DGKB: variants seen among roughly 807,000 people sequenced by gnomAD.
The protein encoded by DGKB is diacylglycerol kinase beta.
A neutral mutation model predicts 114.3 loss-of-function variants in DGKB; 67 were observed. The ratio of observed to expected loss-of-function variants is 0.59; its 90% confidence interval spans 0.48 to 0.72. The LOEUF is 0.72. Among genes scored for constraint, DGKB ranks in the 30% least tolerant of loss-of-function variants. DGKB has a pLI of 0.00. For missense variants in DGKB, 907 were observed against 975.2 expected (o/e 0.93, Z 0.93); for synonymous variants, 398 against 323.1 (o/e 1.23, Z -2.49).
intron 1 of DGKB, among the ~76,000 whole-genome samples, chr7:14,891,907 C>T (rs1035850396): frequency 4.0e-5 from 6 of 151,270 alleles, no homozygotes; most frequent in African/African-American, 1.5e-4. Context: ...CTTATTATGA[C>T]ACCAGTTTTC....
intron 20 of DGKB, among the ~76,000 whole-genome samples, chr7:14,562,781 G>C (rs1218643699): frequency 6.6e-6 from 1 of 152,176 alleles, no homozygotes; most frequent in East Asian, 1.9e-4. Context: ...ATAGGCAGAA[G>C]GGACTTGCCT....
At chr7:14,859,154 A>G (rs1850608279) in intron 1 of DGKB, among the ~76,000 whole-genome samples, 1 of 152,136 alleles carries the variant, frequency 6.6e-6, no homozygotes, top group Admixed American at 6.5e-5. Flanking sequence ...AAATGTCATG[A>G]TCAGTAATCA....
At chr7:14,837,745 T>A (rs1489208155) in intron 2 of DGKB, among the ~76,000 whole-genome samples, 1 of 152,168 alleles carries the variant, frequency 6.6e-6, no homozygotes, top group African/African-American at 2.4e-5. Context: ...TTGAACAGCA[T>A]GAAAAATGAA....
intron 21 of DGKB, among the ~76,000 whole-genome samples, chr7:14,384,155 A>G (rs1052630279): frequency 2.0e-5 from 3 of 152,252 alleles, no homozygotes; most frequent in African/African-American, 7.2e-5. Context: ...TTACGTAAGT[A>G]CATTTTTAGA....
chr7:14,708,717 G>A (rs1177290238), intron 6 of DGKB, among the ~76,000 whole-genome samples: 1 of 151,308 alleles, frequency 6.6e-6, no homozygotes, highest in African/African-American at 2.4e-5. Context: ...AATGGGGAAA[G>A]GATTCCCTAT....
chr7:14,473,662 C>A (rs1781749716), intron 21 of DGKB, among the ~76,000 whole-genome samples: 1 of 152,154 alleles, frequency 6.6e-6, no homozygotes, highest in African/African-American at 2.4e-5. Flanking sequence ...GTGAAAGCAG[C>A]CAGGATGGGG....
chr7:14,881,163 A>G (rs17168502), intron 1 of DGKB, among the ~76,000 whole-genome samples: 5,230 of 152,248 alleles, frequency 0.034, 306 homozygotes, highest in African/African-American at 0.12. Flanking sequence ...AATTTTGCCA[A>G]TCTGATGAGA....
chr7:14,912,522 C>G (rs549466253), intron 1 of DGKB, among the ~76,000 whole-genome samples: 1 of 152,172 alleles, frequency 6.6e-6, no homozygotes, highest in East Asian at 1.9e-4. Flanking sequence ...AGACAAGCAC[C>G]TGGAGGACCA....
intron 2 of DGKB, among the ~76,000 whole-genome samples, chr7:14,828,442 T>A (rs1845983687): frequency 6.6e-6 from 1 of 152,074 alleles, no homozygotes; most frequent in African/African-American, 2.4e-5. Flanking sequence ...TATTGGTAGA[T>A]GCCTTAGACA....
intron 23 of DGKB, among the ~76,000 whole-genome samples, chr7:14,201,894 G>C (rs1490710420): frequency 1.3e-5 from 2 of 151,916 alleles, no homozygotes; most frequent in East Asian, 3.9e-4. Context: ...ATAAGCATAC[G>C]TTGAATTAGT....
intron 21 of DGKB, among the ~76,000 whole-genome samples, chr7:14,386,425 C>A (rs1225262669): frequency 6.6e-6 from 1 of 152,202 alleles, no homozygotes; most frequent in Non-Finnish European, 1.5e-5. Flanking sequence ...GCCTGTGGCC[C>A]TTTGCCCTAA....
chr7:14,696,487 G>A (rs979143419), intron 8 of DGKB, among the ~76,000 whole-genome samples: 7 of 119,094 alleles, frequency 5.9e-5, no homozygotes, highest in African/African-American at 2.2e-4. Flanking sequence ...GGGCGACAGA[G>A]CGAGACTCCG....
intron 23 of DGKB, among the ~76,000 whole-genome samples, chr7:14,314,963 G>C (rs9690279): frequency 0.5 from 75,922 of 150,458 alleles, 19,176 homozygotes; most frequent in South Asian, 0.64. Flanking sequence ...CCAGAAGAGA[G>C]TGGGGGCCAA....
At chr7:14,457,494 A>G (rs1219421282) in intron 21 of DGKB, among the ~76,000 whole-genome samples, 1 of 152,230 alleles carries the variant, frequency 6.6e-6, no homozygotes, top group East Asian at 1.9e-4. Context: ...TAAAGCTATT[A>G]TTTCTAAACT....
At chr7:14,331,879 G>A (rs1176679962) in intron 23 of DGKB, among the ~76,000 whole-genome samples, 1 of 152,140 alleles carries the variant, frequency 6.6e-6, no homozygotes, top group African/African-American at 2.4e-5. Flanking sequence ...CTTGAGTAGA[G>A]ATACTCCTTG....
At chr7:14,391,008 A>G (rs1394952844) in intron 21 of DGKB, among the ~76,000 whole-genome samples, 1 of 152,196 alleles carries the variant, frequency 6.6e-6, no homozygotes, top group Non-Finnish European at 1.5e-5. Context: ...TGTTTTAGAG[A>G]GAATACTTAA....
chr7:14,483,138 GAT>G (rs35524272), intron 20 of DGKB, among the ~76,000 whole-genome samples: 11,678 of 151,992 alleles, frequency 0.077, 864 homozygotes, highest in East Asian at 0.44. Context: ...CCCCCAAAAA[GAT>G]ATCAGATCCT....
At chr7:14,662,800 T>C (rs1214338479) in intron 13 of DGKB, among the ~76,000 whole-genome samples, 1 of 151,984 alleles carries the variant, frequency 6.6e-6, no homozygotes, top group East Asian at 1.9e-4. Context: ...TTTCTATTTA[T>C]ATATTAATTG....
chr7:14,533,423 T>C (rs1378373510), intron 20 of DGKB, among the ~76,000 whole-genome samples: 3 of 151,792 alleles, frequency 2.0e-5, no homozygotes, highest in African/African-American at 7.2e-5. Flanking sequence ...TGTGAAACAA[T>C]ATATGCATTA....
Sources: allele counts gnomAD v4.1 joint callset (sites outside exome capture counted in the v4.1 genomes callset), GRCh38; gene constraint gnomAD v4.1.1; transcripts MANE v1.5; gene names NCBI Gene and HGNC (gene_info 2026-07-23, HGNC 2026-07-21).